SKI: variants seen among roughly 807,000 people sequenced by gnomAD.
SKI encodes the protein SKI proto-oncogene.
Under a neutral mutation model 59.3 loss-of-function variants are expected in SKI, and 23 were observed. The observed-to-expected ratio is 0.39, with a 90% CI of 0.28 to 0.55. The LOEUF is 0.55. Among genes scored for constraint, SKI ranks in the 20% least tolerant of loss-of-function variants. The pLI, the probability that SKI is intolerant of heterozygous loss-of-function variation, is 0.67. For synonymous variants in SKI, 673 were observed against 488.6 expected (o/e 1.38, Z -4.98); for missense variants, 1,017 against 1,038.9 (o/e 0.98, Z 0.29).
intron 1 of SKI, among the ~76,000 whole-genome samples, chr1:2,294,104 T>A (rs1640230840): frequency 6.6e-6 from 1 of 151,962 alleles, no homozygotes; most frequent in African/African-American, 2.4e-5. Flanking sequence ...CTCGGGGTGG[T>A]CCTGAGAAGC....
In SKI at chr1:2,229,977, T is replaced by TG. The variant is rs1466146387; in HGVS notation, c.969+248dup. The stretch of plus-strand genomic sequence containing the variant: ...TGGAGTGCGGGCTGTGGCGGTGGGG[T>TG]GGGGGGCCAGGCCTGGTGTGTGGGG... On this transcript the variant is annotated intron_variant, in intron 1 of 6. Transcript: ENST00000378536. The surrounding 1 kb of genome is among the most constrained non-coding windows in gnomAD (Gnocchi z 6.3). Among the ~76,000 whole-genome samples, 10 of 151,376 alleles carry TG rather than the reference T, an allele frequency of 6.6e-5. No homozygotes were observed. The highest frequency in any genetic ancestry group is 2.4e-4 in the African/African-American group (10 of 41,160).
chr1:2,272,350 G>C (rs1338197676), intron 1 of SKI, among the ~76,000 whole-genome samples: 2 of 152,258 alleles, frequency 1.3e-5, no homozygotes, highest in Non-Finnish European at 2.9e-5. Context: ...GAAACCAGAG[G>C]TGTTGAGACC....
chr1:2,236,988 C>T (rs1040076914), intron 1 of SKI, among the ~76,000 whole-genome samples: 3 of 152,192 alleles, frequency 2.0e-5, no homozygotes, highest in African/African-American at 7.2e-5. Flanking sequence ...CTGGCGGCCT[C>T]AGGTGGGCAT....
At position 2,303,301 on chromosome 1, in the gene SKI, A is replaced by G; in HGVS notation, c.1112A>G (p.His371Arg). The change falls in exon 3 of 7, where the codon CAC becomes CGC. Residue 371 changes from histidine to arginine, a missense_variant. Transcript: ENST00000378536. This position sits in a 1 kb window ranked among gnomAD's most constrained non-coding sequence, Gnocchi z 5.6. ...TCTCGACAGAGCCTGGGCTGTGTTC[A>G]CCCTCGCCAGCGCCTCTCTGCTTTC... ...GSSNKSLGCV[H>R]PRQRLSAFRP... 1.2e-6 allele frequency: 2 copies of G among 1,613,440 alleles called. No homozygotes were observed. Among genetic ancestry groups the G allele is most frequent in the Non-Finnish European group, 1.7e-6 (2 of 1,179,980 alleles).
chr1:2,291,437 T>G (rs1640159851), intron 1 of SKI, among the ~76,000 whole-genome samples: 1 of 151,916 alleles, frequency 6.6e-6, no homozygotes, highest in African/African-American at 2.4e-5. Context: ...CTTCCCGGGG[T>G]CAGCACACAC....
intron 1 of SKI, among the ~76,000 whole-genome samples, chr1:2,240,226 C>T (rs1052492216): frequency 3.9e-5 from 6 of 152,202 alleles, no homozygotes; most frequent in Non-Finnish European, 5.9e-5. Flanking sequence ...GGACCTTGGC[C>T]GAGGAGGCCT....
chr1:2,229,724 C>G lies in SKI; in HGVS notation c.958C>G (p.Arg320Gly). The part of the protein sequence containing the change: ...KFDYGNKYKR[R>G]VPRVSSEPPA... ...CGACTATGGCAACAAGTACAAGCGGCGGGTGCCCCGGGTGAGTGGCCCCAG... is the reference window on the plus strand; with the variant it reads ...CGACTATGGCAACAAGTACAAGCGGGGGGTGCCCCGGGTGAGTGGCCCCAG... The change falls in exon 1 of 7, where the codon CGG becomes GGG. Residue 320 changes from arginine to glycine, a missense_variant. Transcript: ENST00000378536. This position sits in a 1 kb window ranked among gnomAD's most constrained non-coding sequence, Gnocchi z 6.3. 1 of 1,560,312 alleles carries G rather than the reference C, an allele frequency of 6.4e-7. No homozygotes were observed. Among genetic ancestry groups the G allele is most frequent in the South Asian group, 1.2e-5 (1 of 85,338 alleles).
chr1:2,254,344 G>A lies in SKI; in HGVS notation c.969+24609G>A, dbSNP rs530399571. Among the ~76,000 whole-genome samples, 16 of 152,290 alleles carry A rather than the reference G, an allele frequency of 1.1e-4. No individual in the cohort carries two copies. The East Asian group carries it at 2.7e-3, about 26-fold the overall frequency. On this transcript the variant is annotated intron_variant, in intron 1 of 6. Transcript: ENST00000378536. Reference sequence around the variant, plus strand: ...CTCTGCTCTCCCCCCGTGGGTCTTCGTGTCACAGGGTGCTTGGGGGACTCT... The same window carrying A: ...CTCTGCTCTCCCCCCGTGGGTCTTCATGTCACAGGGTGCTTGGGGGACTCT...
intron 1 of SKI, among the ~76,000 whole-genome samples, chr1:2,248,321 C>T (rs1382862695): frequency 6.6e-6 from 1 of 152,246 alleles, no homozygotes. Context: ...AAGGCCCCAT[C>T]TTGGAATCAG....
intron 1 of SKI, among the ~76,000 whole-genome samples, chr1:2,245,536 G>C (rs1020151053): frequency 6.6e-6 from 1 of 151,724 alleles, no homozygotes; most frequent in Non-Finnish European, 1.5e-5. Flanking sequence ...GCAGTGGCAC[G>C]ATCTCGGCTC....
chr1:2,251,384 A>G (rs1639144155), intron 1 of SKI, among the ~76,000 whole-genome samples: 1 of 152,144 alleles, frequency 6.6e-6, no homozygotes, highest in African/African-American at 2.4e-5. Context: ...GGTGTCCCAC[A>G]GTACTGGGAT....
At chr1:2,284,795 G>A (rs1056478425) in intron 1 of SKI, among the ~76,000 whole-genome samples, 9 of 152,182 alleles carry the variant, frequency 5.9e-5, no homozygotes, top group African/African-American at 1.9e-4. Flanking sequence ...GGTGGACACG[G>A]GGGCCCACCT....
chr1:2,279,653 TCTC>T (rs1192706949), intron 1 of SKI, among the ~76,000 whole-genome samples: 2 of 151,308 alleles, frequency 1.3e-5, no homozygotes, highest in Non-Finnish European at 3.0e-5. Context: ...GGGAGAGTGT[TCTC>T]CTGCCCACCC....
chr1:2,278,142 C>G (rs960412593), intron 1 of SKI, among the ~76,000 whole-genome samples: 2 of 152,224 alleles, frequency 1.3e-5, no homozygotes, highest in African/African-American at 4.8e-5. Context: ...AGCCCAGTGT[C>G]CCCTGGACCC....
chr1:2,234,914 G>A (rs1256305813), intron 1 of SKI, among the ~76,000 whole-genome samples: 1 of 152,218 alleles, frequency 6.6e-6, no homozygotes, highest in Non-Finnish European at 1.5e-5. Context: ...AGGCCAGGGT[G>A]TCATGGAGGG....
intron 1 of SKI, among the ~76,000 whole-genome samples, chr1:2,263,309 C>A (rs1263237582): frequency 6.8e-6 from 1 of 147,178 alleles, no homozygotes; most frequent in African/African-American, 2.5e-5. Flanking sequence ...ACGATCTTGG[C>A]TTGCTGGAAC....
chr1:2,284,599 G>C (rs1424262782), intron 1 of SKI, among the ~76,000 whole-genome samples: 1 of 152,182 alleles, frequency 6.6e-6, no homozygotes, highest in African/African-American at 2.4e-5. Context: ...TAGAATTCAA[G>C]CTCACACCGG....
rs1458065708 is a variant in SKI at position 2,309,563 on chromosome 1, C to G, written c.*2798C>G. On this transcript the variant is annotated 3_prime_UTR_variant, in exon 7 of 7. Coordinates refer to ENST00000378536, the MANE Select transcript of SKI (RefSeq NM_003036.4). Reference sequence around the variant, plus strand: ...GTCTTGTTTTCTGGGCTGTTTTTAACTGAGGAAAAAAAAAATGCTTTCCTG... The same window carrying G: ...GTCTTGTTTTCTGGGCTGTTTTTAAGTGAGGAAAAAAAAAATGCTTTCCTG... 6.6e-6 allele frequency: 1 copy of G among 151,662 alleles called. No individual in the cohort carries two copies. The highest frequency in any genetic ancestry group is 6.6e-5 in the Admixed American group (1 of 15,248). The allele number at this position is 151,662 out of a possible 1,614,324, so 9.4% of individuals were successfully genotyped here. A position where few individuals can be genotyped will look rare whatever the true frequency, so the allele number is the denominator to read the frequency against.
intron 1 of SKI, among the ~76,000 whole-genome samples, chr1:2,250,671 G>C (rs563074705): frequency 6.6e-6 from 1 of 152,374 alleles, no homozygotes; most frequent in Admixed American, 6.5e-5. Context: ...AAAAGTAAGG[G>C]GATGTGGTGT....
Sources: gnomAD v4.1 joint callset for allele counts (sites outside exome capture counted in the v4.1 genomes callset) on GRCh38, gnomAD v4.1.1 for gene constraint, Gnocchi (gnomAD v3.1) non-coding constraint, MANE v1.5 for transcripts, NCBI Gene and HGNC (gene_info 2026-07-23, HGNC 2026-07-21) for gene names.